The following DNAH2 variants were observed in gnomAD, a reference collection of about 807,000 sequenced individuals.
DNAH2 encodes axonemal beta dynein heavy chain 2.
Under a neutral mutation model 523.5 loss-of-function variants are expected in DNAH2, and 323 were observed. That is an observed-to-expected ratio of 0.62 (90% confidence interval 0.56 to 0.68). The LOEUF is 0.68. Ranked by LOEUF, DNAH2 falls within the 30% of genes least tolerant of loss-of-function variation. The pLI is 0.00. For synonymous variants in DNAH2, 2,093 were observed against 2,177.4 expected (o/e 0.96, Z 1.08); for missense variants, 4,907 against 5,701.5 (o/e 0.86, Z 4.49).
At chr17:7,765,617 G>A (rs1397257164) in intron 21 of DNAH2, 52 bp downstream of exon 21, 31 of 1,564,030 alleles carry the variant, frequency 2.0e-5, no homozygotes, top group Admixed American at 5.3e-5. Flanking sequence ...TAGAGACCCC[G>A]CCTTCCAAGC....
intron 77 of DNAH2, among the ~76,000 whole-genome samples, chr17:7,826,875 T>C (rs2078036274): frequency 6.6e-6 from 1 of 152,038 alleles, no homozygotes; most frequent in South Asian, 2.1e-4. Flanking sequence ...CCCAGCATTT[T>C]CTTTGAAGTC....
At position 7,776,946 on chromosome 17, in the gene DNAH2, G is replaced by A. The variant is rs79806792; in HGVS notation, c.5058+57G>A. 4.4e-3 allele frequency: 6,294 copies of A among 1,431,962 alleles called. 178 individuals carry two copies. In the African/African-American group the frequency reaches 0.067, roughly 15 times the overall value. 88.7% of individuals were successfully genotyped at this position (1,431,962 alleles called of 1,614,324 possible). On this transcript the variant is annotated intron_variant, in intron 32 of 85. Coordinates refer to ENST00000572933, the MANE Select transcript of DNAH2 (RefSeq NM_020877.5). ...TAATCCCAGCACTTTGGGAGGCAGA[G>A]GTGGTAGGAGCCCACTCGCTTGAGC...
rs1229122613 is a variant in DNAH2 at position 7,798,085 on chromosome 17, C to T, written c.8231-72C>T. 6.6e-7 allele frequency: 1 copy of T among 1,510,906 alleles called. No individual in the cohort carries two copies. Among genetic ancestry groups the T allele is most frequent in the Non-Finnish European group, 8.8e-7 (1 of 1,132,698 alleles). 93.6% of individuals were successfully genotyped at this position (1,510,906 alleles called of 1,614,324 possible). ...GCTTCAGTTTCAGGGGCCCCAATCC[C>T]TAGCCTAGGGCCTGGAGGTCCCCTG... On this transcript the variant is annotated intron_variant, in intron 53 of 85. Transcript: ENST00000572933. This position sits in a 1 kb window ranked among gnomAD's most constrained non-coding sequence, Gnocchi z 5.5.
chr17:7,720,350 C>T (rs2074563823), intron 2 of DNAH2, among the ~76,000 whole-genome samples: 1 of 152,202 alleles, frequency 6.6e-6, no homozygotes, highest in African/African-American at 2.4e-5. Flanking sequence ...CCGGCTGATG[C>T]TTTCTACCAT....
intron 57 of DNAH2, 49 bp downstream of exon 57, chr17:7,801,759 C>G: frequency 6.2e-7 from 1 of 1,611,738 alleles, no homozygotes; most frequent in Non-Finnish European, 8.5e-7. Flanking sequence ...CTCCCTCTCC[C>G]CCGCCTCTCA....
Position 7,754,586 on chromosome 17 carries a change from A to G in DNAH2, c.1905-2505A>G. On this transcript the variant is annotated intron_variant, in intron 12 of 85. Coordinates refer to ENST00000572933, the MANE Select transcript of DNAH2 (RefSeq NM_020877.5). This position sits in a 1 kb window ranked among gnomAD's most constrained non-coding sequence, Gnocchi z 4.6. ...CCAACAATGCCAAGGCCATGAGTCCACGTGCCGAGGCTCTCAAGGCCCTCG... is the reference window on the plus strand; with the variant it reads ...CCAACAATGCCAAGGCCATGAGTCCGCGTGCCGAGGCTCTCAAGGCCCTCG... 6.7e-7 allele frequency: 1 copy of G among 1,497,518 alleles called. No homozygotes were observed. The highest frequency in any genetic ancestry group is 9.2e-7 in the Non-Finnish European group (1 of 1,089,920). 92.8% of individuals were successfully genotyped at this position (1,497,518 alleles called of 1,614,324 possible).
intron 11 of DNAH2, among the ~76,000 whole-genome samples, chr17:7,742,025 G>T (rs2151158386): frequency 6.6e-6 from 1 of 152,232 alleles, no homozygotes; most frequent in African/African-American, 2.4e-5. Flanking sequence ...GGGGTGTTGG[G>T]TCAGTAGAAG....
intron 3 of DNAH2, among the ~76,000 whole-genome samples, chr17:7,726,330 T>C (rs2074809719): frequency 2.0e-5 from 3 of 147,798 alleles, no homozygotes; most frequent in African/African-American, 7.6e-5. Flanking sequence ...TTGAGACAGA[T>C]TCTCACTCTG....
chr17:7,820,000 G>T (rs1190537923), intron 72 of DNAH2, among the ~76,000 whole-genome samples: 1 of 152,016 alleles, frequency 6.6e-6, no homozygotes, highest in African/African-American at 2.4e-5. Flanking sequence ...GTACAGAAAG[G>T]GTCTCCCTAT....
chr17:7,730,704 C>A (rs79411025), intron 4 of DNAH2, among the ~76,000 whole-genome samples: 1 of 152,016 alleles, frequency 6.6e-6, no homozygotes, highest in African/African-American at 2.4e-5. Context: ...ATATCAATGC[C>A]ATGAGACAAT....
chr17:7,759,122 G>GAGGT lies in DNAH2; in HGVS notation c.2448+2_2448+5dup. 1 of 1,613,922 alleles carries GAGGT rather than the reference G, an allele frequency of 6.2e-7. No individual in the cohort carries two copies. Among genetic ancestry groups the GAGGT allele is most frequent in the African/African-American group, 1.3e-5 (1 of 75,050 alleles). The stretch of plus-strand genomic sequence containing the variant: ...TGAGGTCTTCAAGAATGATGGTCCT[G>GAGGT]AGGTAGGGTTCCTGTGGCCAGGATG... On this transcript the variant is annotated frameshift_variant and splice_region_variant, in exon 15 of 86. Coordinates refer to ENST00000572933, the MANE Select transcript of DNAH2 (RefSeq NM_020877.5). LOFTEE classifies it high-confidence loss of function.
At chr17:7,727,049 T>C (rs2151125216) in intron 3 of DNAH2, 73 bp from the exon 4 acceptor site, 3 of 1,452,628 alleles carry the variant, frequency 2.1e-6, no homozygotes, top group African/African-American at 1.5e-5. Context: ...TGTCCTCACT[T>C]GTGATTGTGG....
chr17:7,805,815 T>C (rs1179120342), intron 61 of DNAH2, among the ~76,000 whole-genome samples: 1 of 151,944 alleles, frequency 6.6e-6, no homozygotes, highest in Non-Finnish European at 1.5e-5. Flanking sequence ...GATTGCGCCA[T>C]TGCACTCCAG....
At chr17:7,816,409 A>G (rs1388604485) in intron 63 of DNAH2, among the ~76,000 whole-genome samples, 162 bp from the exon 64 acceptor site, 1 of 152,188 alleles carries the variant, frequency 6.6e-6, no homozygotes, top group African/African-American at 2.4e-5. Context: ...CGATAACCCT[A>G]TAGGGTAGGT....
chr17:7,744,576 G>A (rs1466003686), intron 12 of DNAH2, among the ~76,000 whole-genome samples: 1 of 152,158 alleles, frequency 6.6e-6, no homozygotes, highest in East Asian at 1.9e-4. Context: ...GGATGAGGAA[G>A]CCGTTGAGGA....
At chr17:7,819,109 A>G (rs1214066491) in intron 71 of DNAH2, 46 bp downstream of exon 71, 22 of 1,601,208 alleles carry the variant, frequency 1.4e-5, no homozygotes, top group Non-Finnish European at 1.9e-5. Context: ...GCCATCCAAG[A>G]TGCAACTCCA....
chr17:7,829,033 T>A (rs57828851), intron 77 of DNAH2, among the ~76,000 whole-genome samples: 62,510 of 142,384 alleles, frequency 0.44, 14,927 homozygotes, highest in Non-Finnish European at 0.6. Flanking sequence ...TATTATTATT[T>A]TTTTTTTTTT....
At chr17:7,769,231 G>A (rs1307345297) in intron 24 of DNAH2, among the ~76,000 whole-genome samples, 2 of 151,930 alleles carry the variant, frequency 1.3e-5, no homozygotes, top group Non-Finnish European at 2.9e-5. Flanking sequence ...CTGTGATCTC[G>A]GCTCACTGTA....
chr17:7,830,947 G>A lies in DNAH2; in HGVS notation c.12230+105G>A, dbSNP rs371303763. ...TTGAGGAGAGGACGTGAGATTGGAA[G>A]AAGACAGAGTTTGTGGGATTGAGAT... On this transcript the variant is annotated intron_variant, in intron 79 of 85. Transcript: ENST00000572933. The A allele has an allele frequency of 1.3e-3, 1,934 of 1,537,746 alleles. 12 individuals are homozygous for A. The highest frequency in any genetic ancestry group is 8.4e-3 in the Middle Eastern group (47 of 5,610).
Sources: gnomAD v4.1 joint callset for allele counts (sites outside exome capture counted in the v4.1 genomes callset) on GRCh38, gnomAD v4.1.1 for gene constraint, Gnocchi (gnomAD v3.1) non-coding constraint, MANE v1.5 for transcripts, NCBI Gene and HGNC (gene_info 2026-07-23, HGNC 2026-07-21) for gene names.